The following CAPN13 variants were observed in gnomAD, a reference collection of about 807,000 sequenced individuals.
CAPN13 encodes the protein calpain-13.
In CAPN13, 90 loss-of-function variants were observed where a neutral mutation model predicts 98.4. That is an observed-to-expected ratio of 0.92 (90% CI 0.77 to 1.09). CAPN13 has a LOEUF of 1.09. CAPN13 is among the 50% of genes least tolerant of loss of function. The pLI, the probability that CAPN13 is intolerant of heterozygous loss-of-function variation, is 0.00. For synonymous variants in CAPN13, 330 were observed against 305.5 expected (o/e 1.08, Z -0.84); for missense variants, 887 against 841.3 (o/e 1.05, Z -0.67).
chr2:30,789,829 A>T (rs1390101007), intron 1 of CAPN13, among the ~76,000 whole-genome samples: 1 of 152,216 alleles, frequency 6.6e-6, no homozygotes, highest in Non-Finnish European at 1.5e-5. Flanking sequence ...GTCTAAGATG[A>T]GGACTTGCTC....
chr2:30,790,892 C>A (rs770218481), intron 1 of CAPN13, among the ~76,000 whole-genome samples: 4 of 152,208 alleles, frequency 2.6e-5, no homozygotes, highest in Non-Finnish European at 5.9e-5. Flanking sequence ...GGGAAGAGAT[C>A]TTTCCCTCAT....
At position 30,736,505 on chromosome 2, in the gene CAPN13, G is replaced by C. The variant is rs147172126; in HGVS notation, c.1720C>G (p.Gln574Glu). Residue 574 changes from glutamine (Q) to glutamate (E), a missense_variant and splice_region_variant, in exon 18 of 23, where the codon CAG (glutamine) becomes GAG (glutamate). Gln to Glu is a conservative substitution (Grantham distance 29, BLOSUM62 2). Transcript: ENST00000295055. Reference protein sequence around the residue: ...ARLWKRLVHYQHVFQKVQTSP... With the variant: ...ARLWKRLVHYEHVFQKVQTSP... ...AGTCACAGAGAATGTGCCCGTACCTGGTAGTGAACAAGGCGCTTCCACAGT... is the reference window on the plus strand; with the variant it reads ...AGTCACAGAGAATGTGCCCGTACCTCGTAGTGAACAAGGCGCTTCCACAGT... The C allele has an allele frequency of 3.2e-4, 524 of 1,613,868 alleles. No individual in the cohort carries two copies. The African/African-American group carries it at 5.8e-3, about 18-fold the overall frequency.
At chr2:30,734,204 G>A (rs1243366224) in intron 19 of CAPN13, among the ~76,000 whole-genome samples, 1 of 152,214 alleles carries the variant, frequency 6.6e-6, no homozygotes, top group African/African-American at 2.4e-5. Context: ...AATTAGAGCT[G>A]TGCTGGGGAG....
At chr2:30,769,231 CCCCAGG>C (rs1673264349) in intron 5 of CAPN13, among the ~76,000 whole-genome samples, 1 of 152,048 alleles carries the variant, frequency 6.6e-6, no homozygotes, top group Non-Finnish European at 1.5e-5. Context: ...CCTTAGGGGC[CCCCAGG>C]AATGTCCCTA....
chr2:30,786,773 A>G (rs924256579), intron 2 of CAPN13, among the ~76,000 whole-genome samples: 1 of 152,226 alleles, frequency 6.6e-6, no homozygotes, highest in South Asian at 2.1e-4. Flanking sequence ...TGAAGAGAAG[A>G]AAGGGTGACA....
At chr2:30,735,663 C>A (rs1364998198) in intron 18 of CAPN13, among the ~76,000 whole-genome samples, 1 of 152,184 alleles carries the variant, frequency 6.6e-6, no homozygotes, top group Non-Finnish European at 1.5e-5. Flanking sequence ...AATGAGAAAC[C>A]AAGTGACCCC....
At chr2:30,732,658 C>T (rs1005594293) in intron 19 of CAPN13, 92 bp from the exon 20 acceptor site, 18 of 1,489,366 alleles carry the variant, frequency 1.2e-5, no homozygotes, top group East Asian at 7.4e-5. Context: ...TCAGAGGGCC[C>T]GGCCACCTCC....
At chr2:30,789,744 C>T (rs921819364) in intron 1 of CAPN13, among the ~76,000 whole-genome samples, 1 of 152,208 alleles carries the variant, frequency 6.6e-6, no homozygotes, top group Admixed American at 6.5e-5. Flanking sequence ...TACAAAGCAG[C>T]CAATACATGG....
chr2:30,745,138 C>T, intron 12 of CAPN13: 2 of 464,336 alleles, frequency 4.3e-6, no homozygotes, highest in Non-Finnish European at 9.0e-6. Context: ...TGGCTCAGCA[C>T]TCTCAGCCAT....
At chr2:30,761,462 C>T (rs1672846766) in intron 7 of CAPN13, among the ~76,000 whole-genome samples, 1 of 152,202 alleles carries the variant, frequency 6.6e-6, no homozygotes, top group Admixed American at 6.5e-5. Flanking sequence ...TGCTCTGCAA[C>T]CCAGCAGTCA....
At position 30,775,924 on chromosome 2, in the gene CAPN13, A is replaced by G; in HGVS notation, c.387+6T>C. ...CATATAATGAGCGCTGCAAGGGCAC[A>G]CGTACCCGGAAACGGAAAATGCCAG... On this transcript the variant is annotated splice_donor_region_variant and intron_variant, in intron 4 of 22. Transcript: ENST00000295055. 1 of 1,603,784 alleles carries G rather than the reference A, an allele frequency of 6.2e-7. No homozygotes were observed. Among genetic ancestry groups the G allele is most frequent in the African/African-American group, 1.3e-5 (1 of 74,786 alleles).
At chr2:30,760,177 G>C (rs1672769681) in intron 7 of CAPN13, among the ~76,000 whole-genome samples, 2 of 152,190 alleles carry the variant, frequency 1.3e-5, no homozygotes, top group South Asian at 4.1e-4. Context: ...CCGCCTCCCG[G>C]GTTCATGCCG....
intron 11 of CAPN13, among the ~76,000 whole-genome samples, chr2:30,748,297 A>C (rs1414330335): frequency 6.6e-6 from 1 of 152,096 alleles, no homozygotes; most frequent in Non-Finnish European, 1.5e-5. Flanking sequence ...GGAAAATCTG[A>C]GGGTCCTCTT....
chr2:30,735,108 G>A (rs1317509597), intron 18 of CAPN13, among the ~76,000 whole-genome samples: 1 of 152,190 alleles, frequency 6.6e-6, no homozygotes, highest in Admixed American at 6.5e-5. Flanking sequence ...CCCAGCACAG[G>A]GGCAGAAGGT....
chr2:30,743,233 T>C (rs1048027255), intron 13 of CAPN13, 150 bp downstream of exon 13: 5 of 730,662 alleles, frequency 6.8e-6, no homozygotes, highest in Admixed American at 2.2e-5. Flanking sequence ...TCCCCCTTTA[T>C]GGTGAGCTGC....
chr2:30,774,633 G>A (rs1441296069), intron 4 of CAPN13, among the ~76,000 whole-genome samples: 1 of 152,038 alleles, frequency 6.6e-6, no homozygotes, highest in African/African-American at 2.4e-5. Flanking sequence ...AAGACCTGTT[G>A]GATAGCTATT....
In CAPN13 at chr2:30,759,048, TTCCTTCCCTCCC is replaced by T. The variant is rs1341056912; in HGVS notation, c.775-923_775-912del. Among the ~76,000 whole-genome samples the T allele has an allele frequency of 1.0e-3, 19 of 19,010 alleles. No individual in the cohort carries two copies. In the South Asian group the frequency reaches 0.017, roughly 17 times the overall value. The allele number at this position is 19,010 out of a possible 152,430, so 12.5% of individuals were successfully genotyped here. A position where few individuals can be genotyped will look rare whatever the true frequency, so the allele number is the denominator to read the frequency against. ...CTTCCTTCCCTCCCTCCCTCCTTCC[TTCCTTCCCTCCC>T]TCCCTCCCTCCTCCCTCCCTTCCTC... is the stretch of plus-strand genomic sequence containing the variant. On this transcript the variant is annotated intron_variant, in intron 7 of 22. Transcript: ENST00000295055.
At chr2:30,747,683 G>C (rs114212503) in intron 11 of CAPN13, among the ~76,000 whole-genome samples, 3,271 of 152,326 alleles carry the variant, frequency 0.021, 44 homozygotes, top group Non-Finnish European at 0.032. Context: ...CAGCAGGTCA[G>C]CACTGGAGCC....
intron 19 of CAPN13, 63 bp downstream of exon 19, chr2:30,734,386 G>A (rs2147951176): frequency 8.0e-7 from 1 of 1,257,736 alleles, no homozygotes; most frequent in Non-Finnish European, 1.2e-6. Flanking sequence ...TTGCTACTAG[G>A]GGTGTGGGCA....
Sources: allele counts gnomAD v4.1 joint callset (sites outside exome capture counted in the v4.1 genomes callset), GRCh38; gene constraint gnomAD v4.1.1; transcripts MANE v1.5; gene names NCBI Gene and HGNC (gene_info 2026-07-23, HGNC 2026-07-21).